The following LRRK2 variants were observed in gnomAD, a reference collection of about 807,000 sequenced individuals.
LRRK2 encodes the protein leucine-rich repeat serine/threonine-protein kinase 2.
In LRRK2, 203 loss-of-function variants were observed where a neutral mutation model predicts 302.6. That is an observed-to-expected ratio of 0.67 (90% CI 0.60 to 0.75). The LOEUF (loss-of-function observed/expected upper bound fraction) is 0.75, where lower values mean the gene tolerates loss of function less well. LRRK2 is among the 30% of genes least tolerant of loss of function. The probability of loss-of-function intolerance (pLI) is 0.00; values close to 1 mark genes in which losing one functional copy is unlikely to be tolerated. For synonymous variants in LRRK2, 1,066 were observed against 1,031.9 expected, an observed-to-expected ratio of 1.03 and a Z score of -0.63; for missense variants, 2,830 against 2,951.0, an observed-to-expected ratio of 0.96 and a Z score of 0.95.
intron 23 of LRRK2, among the ~76,000 whole-genome samples, chr12:40,297,323 C>A (rs1944421708): frequency 6.6e-6 from 1 of 152,190 alleles, no homozygotes; most frequent in African/African-American, 2.4e-5. Context: ...TGGACAAGCT[C>A]AGAACCTTCT....
At chr12:40,260,047 C>A (rs547714176) in intron 13 of LRRK2, among the ~76,000 whole-genome samples, 1 of 152,062 alleles carries the variant, frequency 6.6e-6, no homozygotes, top group Admixed American at 6.6e-5. Context: ...TACTCATTTA[C>A]CTCAATGGCT....
chr12:40,362,826 G>T (rs1946755145), intron 47 of LRRK2, among the ~76,000 whole-genome samples: 1 of 152,018 alleles, frequency 6.6e-6, no homozygotes, highest in Admixed American at 6.6e-5. Flanking sequence ...ATGTTTAAAA[G>T]GGGAAAATGG....
chr12:40,295,579 G>C lies in LRRK2; in HGVS notation c.3031G>C (p.Glu1011Gln). Residue 1011 changes from glutamate to glutamine, a missense_variant, in exon 23 of 51, where the codon GAG becomes CAG. By Grantham distance (29) the Glu-to-Gln change is conservative (BLOSUM62 2). Coordinates refer to ENST00000298910, the MANE Select transcript of LRRK2 (RefSeq NM_198578.4). The stretch of plus-strand genomic sequence containing the variant: ...GAAATGCTGTATAAGTGTTCATTTG[G>C]AGCATCTTGAAAAGCTGGAGCTTCA... ...SQKCCISVHL[E>Q]HLEKLELHQN... 1 of 1,613,958 alleles carries C rather than the reference G, an allele frequency of 6.2e-7. No homozygotes were observed. Among genetic ancestry groups the C allele is most frequent in the Non-Finnish European group, 8.5e-7 (1 of 1,179,972 alleles).
chr12:40,312,443 T>C (rs1289256505), intron 31 of LRRK2, among the ~76,000 whole-genome samples: 2 of 152,140 alleles, frequency 1.3e-5, no homozygotes, highest in Non-Finnish European at 2.9e-5. Context: ...TTCCCTGAGG[T>C]GCTTCAACCT....
intron 39 of LRRK2, among the ~76,000 whole-genome samples, chr12:40,332,960 T>A (rs1480247315): frequency 7.0e-6 from 1 of 142,076 alleles, no homozygotes; most frequent in Non-Finnish European, 1.5e-5. Context: ...CTTCTTCTCT[T>A]AAAAAAAAAA....
chr12:40,329,566 A>G (rs753202377), intron 39 of LRRK2, among the ~76,000 whole-genome samples: 2 of 152,188 alleles, frequency 1.3e-5, no homozygotes, highest in Non-Finnish European at 2.9e-5. Context: ...CAGAACCAAA[A>G]TATTTCTACT....
chr12:40,349,220 A>G (rs1482953808), intron 43 of LRRK2, among the ~76,000 whole-genome samples: 3 of 152,104 alleles, frequency 2.0e-5, no homozygotes, highest in Non-Finnish European at 2.9e-5. Flanking sequence ...TTTATTAAAG[A>G]TAATGTGCAT....
chr12:40,354,309 ATAG>A lies in LRRK2; in HGVS notation c.6591_6593del (p.Ser2197del). The stretch of plus-strand genomic sequence containing the variant: ...TTCTTTTCTTAACAGGAAGTTGCTG[ATAG>A]TAGAATATTGTGCTTAGCCTTGGTG... On this transcript the variant is annotated inframe_deletion, in exon 45 of 51. Transcript: ENST00000298910. 5 of 1,613,996 alleles carry A rather than the reference ATAG, an allele frequency of 3.1e-6. No homozygotes were observed. The highest frequency in any genetic ancestry group is 4.2e-6 in the Non-Finnish European group (5 of 1,179,936).
intron 31 of LRRK2, among the ~76,000 whole-genome samples, chr12:40,313,617 G>A (rs549243608): frequency 1.3e-3 from 203 of 151,686 alleles, no homozygotes; most frequent in Middle Eastern, 3.4e-3. Context: ...TTATACTAGC[G>A]TGTCTGTTTC....
Position 40,310,435 on chromosome 12 carries a change from G to A in LRRK2, c.4322G>A (p.Arg1441His), listed in dbSNP as rs34995376. The A allele has an allele frequency of 6.8e-6, 11 of 1,612,768 alleles. No homozygotes were observed. Among genetic ancestry groups the A allele is most frequent in the Non-Finnish European group, 8.5e-6 (10 of 1,179,688 alleles). Residue 1441 changes from arginine to histidine, a missense_variant, in exon 31 of 51, where the codon CGC becomes CAC. Coordinates refer to ENST00000298910, the MANE Select transcript of LRRK2 (RefSeq NM_198578.4). ...MKPWLFNIKA[R>H]ASSSPVILVG... ...GTTTTGTGTCTTTCCCTCCAGGCTC[G>A]CGCTTCTTCTTCCCCTGTGATTCTC...
intron 42 of LRRK2, among the ~76,000 whole-genome samples, chr12:40,347,974 T>A (rs1264576837): frequency 1.3e-5 from 2 of 151,678 alleles, no homozygotes; most frequent in African/African-American, 4.8e-5. Flanking sequence ...AAAATTCAGT[T>A]CTGTGTTCTG....
At chr12:40,353,851 G>C (rs1182115398) in intron 44 of LRRK2, among the ~76,000 whole-genome samples, 3 of 152,244 alleles carry the variant, frequency 2.0e-5, no homozygotes, top group Non-Finnish European at 4.4e-5. Flanking sequence ...AGGCGTGGCG[G>C]CGCACGCCTG....
chr12:40,353,388 C>T (rs1404522062), intron 44 of LRRK2, among the ~76,000 whole-genome samples: 6 of 149,888 alleles, frequency 4.0e-5, no homozygotes, highest in East Asian at 4.0e-4. Context: ...CCAGACGGGG[C>T]GGCAGGGCAG....
intron 41 of LRRK2, among the ~76,000 whole-genome samples, chr12:40,344,115 C>T (rs921387897): frequency 2.0e-5 from 3 of 151,982 alleles, no homozygotes; most frequent in Admixed American, 2.0e-4. Flanking sequence ...TCCCAACCTT[C>T]TTCACAGCTC....
intron 47 of LRRK2, among the ~76,000 whole-genome samples, chr12:40,362,851 T>C (rs1165740581): frequency 1.3e-5 from 2 of 152,088 alleles, no homozygotes; most frequent in Admixed American, 1.3e-4. Flanking sequence ...TATTTTACTT[T>C]CTGTTTATGT....
intron 43 of LRRK2, among the ~76,000 whole-genome samples, chr12:40,349,256 G>GATTT (rs1381714275): frequency 2.0e-5 from 3 of 152,058 alleles, no homozygotes; most frequent in Non-Finnish European, 4.4e-5. Flanking sequence ...GTCTTCCACT[G>GATTT]ATCAACTCAT....
rs754320484 is a variant in LRRK2 at position 40,249,922 on chromosome 12, C to T, written c.935C>T (p.Ala312Val). ...YPENAALQIS[A>V]LSCLALLTET... ...GAGAATGCAGCATTGCAGATCTCAG[C>T]GCTCAGCTGTTTGGCCCTCCTCAGT... The change falls in exon 8 of 51, where the codon GCG becomes GTG. Residue 312 changes from alanine to valine, a missense_variant. Around this residue, in one of 3 missense-constraint regions of LRRK2, gnomAD observed 2,121 missense variants for 2,148.0 expected, o/e 0.99. Coordinates refer to ENST00000298910, the MANE Select transcript of LRRK2 (RefSeq NM_198578.4). 28 of 1,613,758 alleles carry T rather than the reference C, an allele frequency of 1.7e-5. No individual in the cohort carries two copies. Among genetic ancestry groups the T allele is most frequent in the South Asian group, 9.9e-5 (9 of 91,070 alleles).
chr12:40,285,842 T>C (rs994424402), intron 19 of LRRK2, among the ~76,000 whole-genome samples: 1 of 152,036 alleles, frequency 6.6e-6, no homozygotes, highest in Non-Finnish European at 1.5e-5. Context: ...GTTTTTACTA[T>C]GCTAATGTTG....
intron 40 of LRRK2, among the ~76,000 whole-genome samples, chr12:40,336,148 A>G (rs948449460): frequency 1.3e-5 from 2 of 152,110 alleles, no homozygotes; most frequent in Non-Finnish European, 2.9e-5. Flanking sequence ...TTTCTTGGGT[A>G]CAGTGCTCAG....
Sources: gnomAD v4.1 joint callset for allele counts (sites outside exome capture counted in the v4.1 genomes callset) on GRCh38, gnomAD v4.1.1 for gene constraint, gnomAD v4.1.1 regional missense constraint, MANE v1.5 for transcripts, NCBI Gene and HGNC (gene_info 2026-07-23, HGNC 2026-07-21) for gene names.